HYDIN: variants seen among roughly 807,000 people sequenced by gnomAD.
HYDIN encodes the protein HYDIN axonemal central pair apparatus protein.
A neutral mutation model predicts 403.9 loss-of-function variants in HYDIN; 132 were observed. The ratio of observed to expected loss-of-function variants is 0.33; its 90% CI spans 0.28 to 0.38. The LOEUF (loss-of-function observed/expected upper bound fraction) is 0.38. Among genes scored for constraint, HYDIN ranks in the 10% least tolerant of loss-of-function variants. The pLI is 1.00. For missense variants in HYDIN, 2,827 were observed against 5,009.5 expected (o/e 0.56, Z 13.15); for synonymous variants, 1,202 against 1,891.7 (o/e 0.64, Z 9.46).
At chr16:71,105,277 A>C (rs533726548) in intron 10 of HYDIN, among the ~76,000 whole-genome samples, 3 of 152,140 alleles carry the variant, frequency 2.0e-5, no homozygotes, top group Admixed American at 6.5e-5. Flanking sequence ...ATGTGCAGAG[A>C]CATTTAAGAG....
At chr16:71,089,581 C>T (rs1487385207) in intron 11 of HYDIN, among the ~76,000 whole-genome samples, 1 of 152,202 alleles carries the variant, frequency 6.6e-6, no homozygotes, top group Non-Finnish European at 1.5e-5. Context: ...CAGATGCAGA[C>T]AGAGGTCAGG....
At chr16:70,883,015 T>A in intron 59 of HYDIN, 120 bp from the exon 60 acceptor site, 1 of 766,798 alleles carries the variant, frequency 1.3e-6, no homozygotes, top group Non-Finnish European at 2.3e-6. Flanking sequence ...ATAGGCGAAG[T>A]CATGCAAGGG....
At chr16:71,133,670 G>A (rs1484649896) in intron 8 of HYDIN, among the ~76,000 whole-genome samples, 1 of 152,132 alleles carries the variant, frequency 6.6e-6, no homozygotes, top group Non-Finnish European at 1.5e-5. Flanking sequence ...GGGAAATGGG[G>A]AGCAAAAATC....
chr16:71,173,327 C>A (rs1326956782), intron 5 of HYDIN, among the ~76,000 whole-genome samples: 1 of 152,148 alleles, frequency 6.6e-6, no homozygotes, highest in Non-Finnish European at 1.5e-5. Context: ...TCCCAATAAA[C>A]ATGCAATGCT....
chr16:71,130,740 G>A (rs1173972551), intron 8 of HYDIN, among the ~76,000 whole-genome samples: 3 of 151,072 alleles, frequency 2.0e-5, no homozygotes, highest in African/African-American at 4.9e-5. Context: ...CACCCGCCTC[G>A]GCCTCCCAAA....
intron 18 of HYDIN, among the ~76,000 whole-genome samples, chr16:71,055,667 T>C (rs554847334): frequency 6.6e-5 from 10 of 152,306 alleles, no homozygotes; most frequent in South Asian, 2.1e-4. Context: ...GGATGAGGCA[T>C]CTGAATTCCT....
chr16:70,830,407 A>G (rs1288867161), intron 80 of HYDIN, among the ~76,000 whole-genome samples: 1 of 142,006 alleles, frequency 7.0e-6, no homozygotes. Flanking sequence ...AGATAAAGTG[A>G]CAGGGGACAG....
At chr16:71,207,419 T>G (rs1272000415) in intron 1 of HYDIN, among the ~76,000 whole-genome samples, 1 of 152,194 alleles carries the variant, frequency 6.6e-6, no homozygotes, top group Non-Finnish European at 1.5e-5. Context: ...CAAGAGCTCC[T>G]GAAAGAAGCA....
At chr16:71,151,910 C>G (rs1467427415) in intron 7 of HYDIN, among the ~76,000 whole-genome samples, 1 of 152,040 alleles carries the variant, frequency 6.6e-6, no homozygotes, top group East Asian at 1.9e-4. Context: ...GTCCTATATT[C>G]CTGTAAGATG....
intron 84 of HYDIN, among the ~76,000 whole-genome samples, chr16:70,814,773 GA>G (rs1212384666): frequency 2.3e-5 from 3 of 132,108 alleles, no homozygotes; most frequent in East Asian, 2.3e-4. Flanking sequence ...GGCTGTATTT[GA>G]AAAAAAAATC....
intron 11 of HYDIN, among the ~76,000 whole-genome samples, chr16:71,089,290 A>G (rs1450045176): frequency 6.6e-6 from 1 of 152,078 alleles, no homozygotes; most frequent in African/African-American, 2.4e-5. Context: ...GCCTCAGTCT[A>G]CTGTCCCTAC....
chr16:71,176,603 C>A (rs1396222523), intron 4 of HYDIN, among the ~76,000 whole-genome samples: 2 of 152,184 alleles, frequency 1.3e-5, no homozygotes, highest in Non-Finnish European at 2.9e-5. Flanking sequence ...CTCCACCCCA[C>A]CTCTCCATGG....
chr16:71,195,040 C>T (rs2087621835), intron 1 of HYDIN, among the ~76,000 whole-genome samples: 1 of 152,148 alleles, frequency 6.6e-6, no homozygotes, highest in African/African-American at 2.4e-5. Context: ...TCACACAGAT[C>T]AGCCCTATTC....
intron 71 of HYDIN, among the ~76,000 whole-genome samples, chr16:70,859,217 C>T (rs372969216): frequency 5.3e-5 from 8 of 152,066 alleles, no homozygotes; most frequent in Non-Finnish European, 1.0e-4. Context: ...AGGAGAATAG[C>T]GTGAACCCAG....
At chr16:71,067,879 C>T (rs1249826914) in intron 14 of HYDIN, among the ~76,000 whole-genome samples, 2 of 151,954 alleles carry the variant, frequency 1.3e-5, no homozygotes, top group Non-Finnish European at 2.9e-5. Context: ...ATCTTGCCCC[C>T]ACCATCCCAC....
At chr16:71,196,747 G>A (rs981358082) in intron 1 of HYDIN, among the ~76,000 whole-genome samples, 1 of 152,128 alleles carries the variant, frequency 6.6e-6, no homozygotes, top group Non-Finnish European at 1.5e-5. Flanking sequence ...AATAAAGCCA[G>A]CTAAAACCCA....
chr16:71,051,706 G>T (rs543760349), intron 18 of HYDIN, among the ~76,000 whole-genome samples: 1 of 151,434 alleles, frequency 6.6e-6, no homozygotes, highest in East Asian at 1.9e-4. Context: ...TCATTAATGT[G>T]AGGAATAACA....
chr16:71,202,569 A>G (rs142830439), intron 1 of HYDIN, among the ~76,000 whole-genome samples: 8 of 152,280 alleles, frequency 5.3e-5, no homozygotes, highest in Middle Eastern at 3.4e-3. Flanking sequence ...AATCCTGAGC[A>G]TATTAATTTC....
intron 81 of HYDIN, among the ~76,000 whole-genome samples, chr16:70,829,321 C>A (rs1159099554): frequency 1.4e-5 from 2 of 145,252 alleles, no homozygotes; most frequent in Non-Finnish European, 3.0e-5. Flanking sequence ...GAAACCTCTG[C>A]CTCCTGGGTT....
Sources: gnomAD v4.1 joint callset for allele counts (sites outside exome capture counted in the v4.1 genomes callset) on GRCh38, gnomAD v4.1.1 for gene constraint, MANE v1.5 for transcripts, NCBI Gene and HGNC (gene_info 2026-07-23, HGNC 2026-07-21) for gene names.